The following APP variants were observed in gnomAD, a reference collection of about 807,000 sequenced individuals.
APP encodes the protein amyloid-beta precursor protein.
APP carries 31 observed loss-of-function variants against 101.4 expected under a neutral mutation model. That is an observed-to-expected ratio of 0.31 (90% CI 0.23 to 0.41). APP has a LOEUF of 0.41. APP is among the 10% of genes least tolerant of loss of function. The pLI is 1.00. For synonymous variants in APP, 366 were observed against 364.4 expected, an observed-to-expected ratio of 1.00 and a Z score of -0.05; for missense variants, 839 against 1,003.7, an observed-to-expected ratio of 0.84 and a Z score of 2.22.
chr21:26,170,479 G>T, intron 1 of APP, 85 bp downstream of exon 1: 2 of 1,413,120 alleles, frequency 1.4e-6, no homozygotes, highest in Non-Finnish European at 1.9e-6. Flanking sequence ...CGGCTTCTCT[G>T]CATTAAAGAC....
chr21:26,097,017 T>C (rs1315484187), intron 2 of APP, among the ~76,000 whole-genome samples: 2 of 152,198 alleles, frequency 1.3e-5, no homozygotes, highest in African/African-American at 4.8e-5. Flanking sequence ...GCATTTGGAT[T>C]CTAGGAGATG....
chr21:26,129,300 G>A (rs1297045839), intron 1 of APP, among the ~76,000 whole-genome samples: 2 of 151,854 alleles, frequency 1.3e-5, no homozygotes, highest in African/African-American at 4.8e-5. Context: ...GTGAAACCCC[G>A]TCTCTACTAA....
intron 1 of APP, among the ~76,000 whole-genome samples, chr21:26,115,048 T>C (rs556327395): frequency 3.8e-4 from 58 of 152,330 alleles, no homozygotes; most frequent in Admixed American, 3.3e-3. Context: ...CTAGAAAATA[T>C]ATGCTTCAGT....
chr21:25,987,455 T>C (rs2042681028), intron 8 of APP, among the ~76,000 whole-genome samples: 1 of 152,238 alleles, frequency 6.6e-6, no homozygotes, highest in South Asian at 2.1e-4. Flanking sequence ...TTTAACTTTT[T>C]AAATGACCTT....
chr21:26,091,540 T>C (rs990076348), intron 2 of APP, among the ~76,000 whole-genome samples: 3 of 152,118 alleles, frequency 2.0e-5, no homozygotes, highest in Admixed American at 2.0e-4. Context: ...TTGAGATCAA[T>C]ATTAGGATCA....
intron 13 of APP, among the ~76,000 whole-genome samples, chr21:25,915,909 A>C (rs1569050828): frequency 6.6e-6 from 1 of 152,184 alleles, no homozygotes; most frequent in Non-Finnish European, 1.5e-5. Flanking sequence ...AGAAAATGTA[A>C]GTGAAAAAGT....
intron 17 of APP, among the ~76,000 whole-genome samples, chr21:25,887,509 G>T (rs2037402906): frequency 8.3e-6 from 1 of 119,958 alleles, no homozygotes; most frequent in Admixed American, 1.0e-4. Flanking sequence ...AATATTTCCT[G>T]CTTATTTGAA....
At chr21:26,046,253 T>C (rs1159170578) in intron 5 of APP, among the ~76,000 whole-genome samples, 1 of 151,660 alleles carries the variant, frequency 6.6e-6, no homozygotes, top group Non-Finnish European at 1.5e-5. Context: ...CTACTAAAAA[T>C]ACAAAAATTA....
chr21:26,064,101 A>C (rs1444878441), intron 3 of APP, among the ~76,000 whole-genome samples: 1 of 152,224 alleles, frequency 6.6e-6, no homozygotes, highest in African/African-American at 2.4e-5. Context: ...TTATTAAAAA[A>C]CTAGAGAAGT....
At chr21:26,087,444 A>C (rs2061726082) in intron 3 of APP, among the ~76,000 whole-genome samples, 1 of 152,358 alleles carries the variant, frequency 6.6e-6, no homozygotes, top group East Asian at 1.9e-4. Context: ...ATTTCACATC[A>C]GACACAACCA....
At position 26,000,086 on chromosome 21, in the gene APP, T is replaced by C; in HGVS notation, c.962A>G (p.Tyr321Cys). Residue 321 changes from tyrosine to cysteine, a missense_variant, in exon 7 of 18, where the codon TAC (tyrosine) becomes TGC (cysteine). Coordinates refer to ENST00000346798, the MANE Select transcript of APP (RefSeq NM_000484.4). The stretch of plus-strand genomic sequence containing the variant: ...GTTCCGGTTGCCGCCACATCCGCCG[T>C]AAAAGAATGGGGCACACTTCCCTTC... ...VTEGKCAPFF[Y>C]GGCGGNRNNF... 1 of 1,614,138 alleles carries C rather than the reference T, an allele frequency of 6.2e-7. No individual in the cohort carries two copies. The highest frequency in any genetic ancestry group is 8.5e-7 in the Non-Finnish European group (1 of 1,179,992).
At chr21:26,114,314 C>T (rs1332026558) in intron 1 of APP, among the ~76,000 whole-genome samples, 2 of 152,140 alleles carry the variant, frequency 1.3e-5, no homozygotes, top group Non-Finnish European at 2.9e-5. Context: ...TCCAAGAAGG[C>T]CCCCAATAGT....
At chr21:25,919,924 G>A (rs2039544966) in intron 13 of APP, among the ~76,000 whole-genome samples, 1 of 115,048 alleles carries the variant, frequency 8.7e-6, no homozygotes, top group Non-Finnish European at 1.7e-5. Context: ...ACACGTAATT[G>A]TCAGATTCAC....
chr21:26,001,583 C>G (rs1425010335), intron 6 of APP, among the ~76,000 whole-genome samples: 1 of 152,236 alleles, frequency 6.6e-6, no homozygotes, highest in Non-Finnish European at 1.5e-5. Flanking sequence ...ACTGCAACCT[C>G]TACCTCCTGA....
chr21:25,968,483 T>C (rs1328951477), intron 11 of APP, among the ~76,000 whole-genome samples: 2 of 152,128 alleles, frequency 1.3e-5, no homozygotes, highest in African/African-American at 4.8e-5. Context: ...TTTAAATACA[T>C]GTGCCTATAT....
intron 5 of APP, among the ~76,000 whole-genome samples, chr21:26,022,325 T>A (rs909680025): frequency 6.6e-6 from 1 of 152,116 alleles, no homozygotes; most frequent in African/African-American, 2.4e-5. Context: ...GATCAGCGGT[T>A]GCCAGTGGTT....
chr21:26,115,188 CAATA>C (rs1412299488), intron 1 of APP, among the ~76,000 whole-genome samples: 1 of 152,132 alleles, frequency 6.6e-6, no homozygotes, highest in African/African-American at 2.4e-5. Context: ...TGCGAATCCT[CAATA>C]ATAGGGTAAG....
At chr21:26,143,231 C>T (rs1318249408) in intron 1 of APP, among the ~76,000 whole-genome samples, 2 of 152,072 alleles carry the variant, frequency 1.3e-5, no homozygotes, top group South Asian at 2.1e-4. Context: ...CCTAATATGT[C>T]GGGAGGCCAA....
chr21:26,135,816 G>T (rs970014580), intron 1 of APP, among the ~76,000 whole-genome samples: 1 of 152,078 alleles, frequency 6.6e-6, no homozygotes, highest in African/African-American at 2.4e-5. Flanking sequence ...CCCTTGGTAG[G>T]AATATCTGGA....
Sources: gnomAD v4.1 joint callset for allele counts (sites outside exome capture counted in the v4.1 genomes callset) on GRCh38, gnomAD v4.1.1 for gene constraint, MANE v1.5 for transcripts, NCBI Gene and HGNC (gene_info 2026-07-23, HGNC 2026-07-21) for gene names.